The following NEGR1 variants were observed in gnomAD, a reference collection of about 807,000 sequenced individuals.
NEGR1 encodes the protein neuronal growth regulator 1, also known as IgLON family member 4.
NEGR1 carries 10 observed loss-of-function variants against 40.9 expected under a neutral mutation model. That is an observed-to-expected ratio of 0.24 (90% CI 0.15 to 0.42). NEGR1 has a LOEUF of 0.42. NEGR1 is among the 10% of genes least tolerant of loss of function. The pLI is 1.00. For missense variants in NEGR1, 352 were observed against 438.9 expected (o/e 0.80, Z 1.77); for synonymous variants, 185 against 166.8 (o/e 1.11, Z -0.84).
chr1:72,108,251 A>G (rs1373172719), intron 1 of NEGR1, among the ~76,000 whole-genome samples: 2 of 151,604 alleles, frequency 1.3e-5, no homozygotes, highest in African/African-American at 2.4e-5. Context: ...ACCACCAAAT[A>G]TGGTGTTCAT....
chr1:71,688,390 T>TATAA (rs1402163614), intron 4 of NEGR1, among the ~76,000 whole-genome samples: 3 of 27,284 alleles, frequency 1.1e-4, no homozygotes, highest in African/African-American at 2.4e-4. Context: ...AAAAGATATA[T>TATAA]AAAATATATA....
At chr1:71,473,986 A>G (rs1451164199) in intron 6 of NEGR1, among the ~76,000 whole-genome samples, 1 of 151,894 alleles carries the variant, frequency 6.6e-6, no homozygotes, top group African/African-American at 2.4e-5. Context: ...GTACCTTTTG[A>G]ATCATTAATA....
intron 2 of NEGR1, among the ~76,000 whole-genome samples, chr1:71,928,027 TACACAC>T (rs150454041): frequency 6.5e-5 from 5 of 77,458 alleles, no homozygotes; most frequent in South Asian, 4.4e-4. Context: ...AATAAATAAA[TACACAC>T]ACACACACAC....
At chr1:72,278,457 A>G (rs1270784068) in intron 1 of NEGR1, among the ~76,000 whole-genome samples, 3 of 152,152 alleles carry the variant, frequency 2.0e-5, no homozygotes, top group Non-Finnish European at 1.5e-5. Context: ...TATTGTTTCC[A>G]AGGGGTATTA....
intron 3 of NEGR1, among the ~76,000 whole-genome samples, chr1:71,775,850 A>C (rs997645344): frequency 2.6e-5 from 4 of 151,632 alleles, no homozygotes; most frequent in African/African-American, 9.7e-5. Context: ...AAAAGTAGCC[A>C]GATGTGGTGG....
intron 1 of NEGR1, among the ~76,000 whole-genome samples, chr1:72,209,808 T>C (rs555351394): frequency 3.9e-5 from 6 of 151,940 alleles, no homozygotes; most frequent in Admixed American, 6.6e-5. Context: ...ACTAACTTTA[T>C]AGGTGGTCAT....
At chr1:72,175,466 G>T (rs1471132653) in intron 1 of NEGR1, among the ~76,000 whole-genome samples, 1 of 151,950 alleles carries the variant, frequency 6.6e-6, no homozygotes, top group Non-Finnish European at 1.5e-5. Flanking sequence ...GCTTTCACAT[G>T]TGGTTTTCAA....
intron 6 of NEGR1, among the ~76,000 whole-genome samples, chr1:71,532,465 T>G (rs1436408100): frequency 6.6e-6 from 1 of 151,638 alleles, no homozygotes; most frequent in African/African-American, 2.4e-5. Context: ...TTAGAAGCAC[T>G]AAATACCTTC....
chr1:71,861,622 A>G lies in NEGR1; in HGVS notation c.409+73457T>C, dbSNP rs574119254. Among the ~76,000 whole-genome samples, 6 of 152,214 alleles carry G rather than the reference A, an allele frequency of 3.9e-5. No individual in the cohort carries two copies. The East Asian group carries it at 9.7e-4, about 25-fold the overall frequency. On this transcript the variant is annotated intron_variant, in intron 2 of 6. Transcript: ENST00000357731. ...AGCACAATTCAGTAAGTAATGAGAA[A>G]GGAATAACTTGTGCTAAGAAAGATG...
At chr1:71,816,928 T>C (rs1218838409) in intron 2 of NEGR1, among the ~76,000 whole-genome samples, 1 of 138,274 alleles carries the variant, frequency 7.2e-6, no homozygotes, top group Non-Finnish European at 1.5e-5. Context: ...ACTTCCTTTT[T>C]TTCTCTATCT....
intron 1 of NEGR1, among the ~76,000 whole-genome samples, chr1:72,119,551 T>C (rs369326387): frequency 3.6e-4 from 54 of 152,006 alleles, no homozygotes; most frequent in African/African-American, 1.0e-3. Context: ...CTGCATAGGT[T>C]ATCATATTGG....
intron 3 of NEGR1, among the ~76,000 whole-genome samples, chr1:71,698,474 C>G (rs1193673924): frequency 6.6e-6 from 1 of 151,510 alleles, no homozygotes; most frequent in Non-Finnish European, 1.5e-5. Context: ...AGATGAAATT[C>G]ACTAATATGA....
At chr1:71,687,941 T>A (rs928718560) in intron 4 of NEGR1, among the ~76,000 whole-genome samples, 1 of 152,160 alleles carries the variant, frequency 6.6e-6, no homozygotes, top group Non-Finnish European at 1.5e-5. Context: ...TTCAAATACA[T>A]ACATCTATAA....
chr1:71,591,772 T>A (rs916073026), intron 6 of NEGR1, among the ~76,000 whole-genome samples: 1 of 152,114 alleles, frequency 6.6e-6, no homozygotes, highest in East Asian at 1.9e-4. Flanking sequence ...TTATTTCACA[T>A]CAGCATTCTT....
chr1:71,882,172 A>G (rs189442325), intron 2 of NEGR1, among the ~76,000 whole-genome samples: 2 of 152,242 alleles, frequency 1.3e-5, no homozygotes, highest in East Asian at 3.9e-4. Context: ...AACAGACGCG[A>G]AACTTGCTTT....
intron 6 of NEGR1, among the ~76,000 whole-genome samples, chr1:71,540,560 A>G (rs1006392322): frequency 2.6e-5 from 4 of 151,728 alleles, no homozygotes; most frequent in African/African-American, 9.7e-5. Context: ...CAGATCTCCA[A>G]GGGCTTAGCA....
At chr1:72,140,940 T>G (rs1650652799) in intron 1 of NEGR1, among the ~76,000 whole-genome samples, 1 of 152,074 alleles carries the variant, frequency 6.6e-6, no homozygotes, top group African/African-American at 2.4e-5. Context: ...AGAAAATTTA[T>G]ATAGCATTAC....
chr1:71,983,280 T>C (rs566112267), intron 1 of NEGR1, among the ~76,000 whole-genome samples: 2 of 152,266 alleles, frequency 1.3e-5, no homozygotes, highest in South Asian at 4.1e-4. Context: ...AAGTCAAATA[T>C]AGCATTTTAA....
At chr1:72,157,570 G>T (rs1293247485) in intron 1 of NEGR1, among the ~76,000 whole-genome samples, 1 of 152,054 alleles carries the variant, frequency 6.6e-6, no homozygotes, top group Non-Finnish European at 1.5e-5. Flanking sequence ...CTTACAGCTG[G>T]TGCATGATTA....
Sources: allele counts gnomAD v4.1 joint callset (sites outside exome capture counted in the v4.1 genomes callset), GRCh38; gene constraint gnomAD v4.1.1; transcripts MANE v1.5; gene names NCBI Gene and HGNC (gene_info 2026-07-23, HGNC 2026-07-21).